Variants in AOPEP observed in about 807,000 individuals in gnomAD.
AOPEP encodes the protein aminopeptidase O (putative).
Under a neutral mutation model 98.1 loss-of-function variants are expected in AOPEP, and 77 were observed. The observed-to-expected ratio is 0.78, with a 90% CI of 0.65 to 0.95. AOPEP has a LOEUF of 0.95. AOPEP is among the 40% of genes least tolerant of loss of function. The pLI, the probability that AOPEP is intolerant of heterozygous loss-of-function variation, is 0.00. For synonymous variants in AOPEP, 346 were observed against 365.3 expected (o/e 0.95, Z 0.60); for missense variants, 1,024 against 1,024.7 (o/e 1.00, Z 0.01).
intron 7 of AOPEP, among the ~76,000 whole-genome samples, chr9:94,951,724 A>C (rs111613145): frequency 0.041 from 6,281 of 152,352 alleles, 440 homozygotes; most frequent in African/African-American, 0.14. Flanking sequence ...CAGGCTGGCC[A>C]GGAGCAGCAT....
chr9:94,844,177 C>T (rs1466918463), intron 5 of AOPEP, among the ~76,000 whole-genome samples: 2 of 152,014 alleles, frequency 1.3e-5, no homozygotes, highest in Non-Finnish European at 2.9e-5. Context: ...TTCTTCAGCC[C>T]CACGAGTAGC....
intron 5 of AOPEP, chr9:94,920,101 GA>G (rs1242108437): frequency 6.6e-6 from 1 of 152,176 alleles, no homozygotes; most frequent in Non-Finnish European, 1.5e-5. Flanking sequence ...GGGGCGGGCG[GA>G]TCACCTGAGG....
At chr9:95,033,854 A>G (rs2064541911) in intron 13 of AOPEP, among the ~76,000 whole-genome samples, 1 of 152,270 alleles carries the variant, frequency 6.6e-6, no homozygotes. Context: ...ATCATTCTGT[A>G]TATTCAGAAG....
intron 7 of AOPEP, chr9:94,932,972 T>C: frequency 1.0e-6 from 1 of 985,454 alleles, no homozygotes; most frequent in Non-Finnish European, 1.2e-6. Flanking sequence ...TTCAAAATGT[T>C]AGGGGTCACA....
chr9:95,131,901 GA>G, the AOPEP span, among the ~76,000 whole-genome samples: 6 of 151,912 alleles, frequency 3.9e-5, no homozygotes, highest in African/African-American at 1.5e-4. Context: ...GAGAATGAGG[GA>G]AAAAAACACA....
chr9:95,050,478 A>T (rs553754687), intron 13 of AOPEP, among the ~76,000 whole-genome samples: 2 of 152,220 alleles, frequency 1.3e-5, no homozygotes, highest in African/African-American at 4.8e-5. Flanking sequence ...TGTGACTCCT[A>T]TGCCTTGTAG....
At chr9:95,110,236 T>C in the AOPEP span, 14 of 1,002,832 alleles carry the variant, frequency 1.4e-5, no homozygotes, top group Non-Finnish European at 1.4e-5. Flanking sequence ...TTAAGTGTTA[T>C]TGAATAATTT....
At chr9:94,788,160 T>A (rs1844846772) in intron 3 of AOPEP, among the ~76,000 whole-genome samples, 1 of 152,102 alleles carries the variant, frequency 6.6e-6, no homozygotes, top group Admixed American at 6.6e-5. Flanking sequence ...CAGCCTGACC[T>A]CCTGGGCCCA....
chr9:95,011,395 G>A (rs889766793), intron 13 of AOPEP, among the ~76,000 whole-genome samples: 1 of 151,906 alleles, frequency 6.6e-6, no homozygotes, highest in Non-Finnish European at 1.5e-5. Context: ...GTAGAGATGG[G>A]GTTTCACCGT....
chr9:94,886,661 T>C (rs1265397984), intron 5 of AOPEP, among the ~76,000 whole-genome samples: 1 of 152,224 alleles, frequency 6.6e-6, no homozygotes, highest in Non-Finnish European at 1.5e-5. Context: ...TTCCTACAGT[T>C]TGATTGTTTT....
intron 5 of AOPEP, chr9:94,900,729 C>G (rs77969474): frequency 6.6e-6 from 1 of 152,114 alleles, no homozygotes; most frequent in Non-Finnish European, 1.5e-5. Flanking sequence ...TTTCAGTTTC[C>G]CCTGCTTGAG....
At chr9:94,788,984 G>A (rs757845666) in intron 3 of AOPEP, among the ~76,000 whole-genome samples, 3 of 152,206 alleles carry the variant, frequency 2.0e-5, no homozygotes, top group Non-Finnish European at 4.4e-5. Flanking sequence ...TCTTAGATGT[G>A]CAGCTGGGCC....
intron 13 of AOPEP, among the ~76,000 whole-genome samples, chr9:95,051,767 A>C (rs560559998): frequency 6.6e-6 from 1 of 151,450 alleles, no homozygotes; most frequent in South Asian, 2.1e-4. Flanking sequence ...GCAGTGGCAC[A>C]ATCTTGGCTC....
chr9:94,984,598 T>C (rs879907006), intron 11 of AOPEP, among the ~76,000 whole-genome samples: 1 of 152,216 alleles, frequency 6.6e-6, no homozygotes, highest in Non-Finnish European at 1.5e-5. Context: ...CATGTTGAAA[T>C]GATAATATTT....
intron 5 of AOPEP, among the ~76,000 whole-genome samples, chr9:94,881,148 A>G (rs894427): frequency 0.85 from 129,573 of 152,162 alleles, 56,842 homozygotes; most frequent in Non-Finnish European, 0.95. Context: ...TTGGAATTTA[A>G]TAGACTTTCC....
the AOPEP span, among the ~76,000 whole-genome samples, chr9:95,149,482 A>ATT: frequency 6.8e-6 from 1 of 146,640 alleles, no homozygotes; most frequent in Non-Finnish European, 1.5e-5. Flanking sequence ...ATCCTCAGTA[A>ATT]TTTTTTTTTT....
intron 5 of AOPEP, among the ~76,000 whole-genome samples, chr9:94,830,528 A>G (rs1855726221): frequency 6.6e-6 from 1 of 152,226 alleles, no homozygotes; most frequent in African/African-American, 2.4e-5. Flanking sequence ...TTATAATAAA[A>G]TGATTTATAT....
downstream of AOPEP, among the ~76,000 whole-genome samples, chr9:95,087,386 G>A (rs908035262): frequency 2.0e-5 from 3 of 149,446 alleles, no homozygotes; most frequent in Non-Finnish European, 3.0e-5. Context: ...GGGAGACTGA[G>A]GCAGGAGAAT....
intron 14 of AOPEP, among the ~76,000 whole-genome samples, chr9:95,066,955 C>A (rs935077104): frequency 6.6e-6 from 1 of 152,132 alleles, no homozygotes; most frequent in East Asian, 1.9e-4. Flanking sequence ...CACCAGAAAC[C>A]ACACAACTTT....
Sources: gnomAD v4.1 joint callset for allele counts (sites outside exome capture counted in the v4.1 genomes callset) on GRCh38, gnomAD v4.1.1 for gene constraint, MANE v1.5 for transcripts, NCBI Gene and HGNC (gene_info 2026-07-23, HGNC 2026-07-21) for gene names.